Variants in MLLT6 observed in about 807,000 individuals in gnomAD.
MLLT6 encodes MLLT6, PHD finger containing.
A neutral mutation model predicts 103.0 loss-of-function variants in MLLT6; 22 were observed. The observed-to-expected ratio is 0.21, with a 90% CI of 0.15 to 0.31. The LOEUF (loss-of-function observed/expected upper bound fraction) is 0.31. Ranked by LOEUF, MLLT6 falls within the 10% of genes least tolerant of loss-of-function variation. The pLI is 1.00. For synonymous variants in MLLT6, 606 were observed against 623.5 expected (o/e 0.97, Z 0.42); for missense variants, 1,199 against 1,441.7 (o/e 0.83, Z 2.73).
In MLLT6 at chr17:38,716,156, G is replaced by A. The variant is rs1370981539; in HGVS notation, c.1037-211G>A. ...TACAGTCATCTGGTGAGGCCAGTAGGGTGCGAGTTACTCTCCCCCATTTTA... is the reference window on the plus strand; with the variant it reads ...TACAGTCATCTGGTGAGGCCAGTAGAGTGCGAGTTACTCTCCCCCATTTTA... On this transcript the variant is annotated intron_variant, in intron 9 of 19. Coordinates refer to ENST00000621332, the MANE Select transcript of MLLT6 (RefSeq NM_005937.4). This position sits in a 1 kb window ranked among gnomAD's most constrained non-coding sequence, Gnocchi z 5.6. The A allele has an allele frequency of 1.6e-6, 1 of 608,338 alleles. No individual in the cohort carries two copies. The highest frequency in any genetic ancestry group is 1.8e-5 in the African/African-American group (1 of 54,054). The allele number at this position is 608,338 out of a possible 1,614,324, so 37.7% of individuals were successfully genotyped here.
chr17:38,715,676 G>T lies in MLLT6; in HGVS notation c.884G>T (p.Ser295Ile). 6.2e-7 allele frequency: 1 copy of T among 1,614,156 alleles called. No individual in the cohort carries two copies. Among genetic ancestry groups the T allele is most frequent in the Non-Finnish European group, 8.5e-7 (1 of 1,180,038 alleles). ...EASTQETSES[S>I]RESKGKKSSS... Reference sequence around the variant, plus strand: ...AGCACGCAGGAGACCTCTGAGAGCAGCAGGGAGTCAAAGGGGAAAAAGTCT... The same window carrying T: ...AGCACGCAGGAGACCTCTGAGAGCATCAGGGAGTCAAAGGGGAAAAAGTCT... Residue 295 changes from serine to isoleucine, a missense_variant, in exon 9 of 20, where the codon AGC (serine) becomes ATC (isoleucine). Physicochemically the swap from Ser to Ile is moderately radical, Grantham distance 142 (BLOSUM62 -2). Transcript: ENST00000621332.
Position 38,727,993 on chromosome 17 carries a change from A to C in MLLT6, c.*2395A>C, listed in dbSNP as rs945665511. 1 of 232,812 alleles carries C rather than the reference A, an allele frequency of 4.3e-6. No homozygotes were observed. Among genetic ancestry groups the C allele is most frequent in the Admixed American group, 5.6e-5 (1 of 17,744 alleles). The allele number at this position is 232,812 out of a possible 1,614,324, so 14.4% of individuals were successfully genotyped here. A position where few individuals can be genotyped will look rare whatever the true frequency, so the allele number is the denominator to read the frequency against. The stretch of plus-strand genomic sequence containing the variant: ...TGATTCTGTGCATTGAAACCAAGAC[A>C]CCCCACCCAGAACACTTCTTCCCTC... On this transcript the variant is annotated 3_prime_UTR_variant, in exon 20 of 20. Coordinates refer to ENST00000621332, the MANE Select transcript of MLLT6 (RefSeq NM_005937.4).
At position 38,709,373 on chromosome 17, in the gene MLLT6, A is replaced by G. The variant is rs1052378467; in HGVS notation, c.458+97A>G. 52 of 1,402,538 alleles carry G rather than the reference A, an allele frequency of 3.7e-5. No homozygotes were observed. The highest frequency in any genetic ancestry group is 6.7e-5 in the Admixed American group (4 of 59,666). 86.9% of individuals were successfully genotyped at this position (1,402,538 alleles called of 1,614,324 possible). Reference sequence around the variant, plus strand: ...TGCTGTCCCTTTGATGGTGGTGGCAATGCTTTGGATGGTCTTGGCTTCGCC... The same window carrying G: ...TGCTGTCCCTTTGATGGTGGTGGCAGTGCTTTGGATGGTCTTGGCTTCGCC... On this transcript the variant is annotated intron_variant, in intron 5 of 19. Transcript: ENST00000621332. This position sits in a 1 kb window ranked among gnomAD's most constrained non-coding sequence, Gnocchi z 4.3.
At position 38,705,573 on chromosome 17, in the gene MLLT6, T is replaced by G; in HGVS notation, c.-60T>G. ...GGCCCCCCGCTCCCTCCCTCCCCCC[T>G]GACCCCCGACCCCCGCCGGCCGGCC... On this transcript the variant is annotated 5_prime_UTR_variant, in exon 1 of 20. Coordinates refer to ENST00000621332, the MANE Select transcript of MLLT6 (RefSeq NM_005937.4). 8 of 163,334 alleles carry G rather than the reference T, an allele frequency of 4.9e-5. No individual in the cohort carries two copies. The highest frequency in any genetic ancestry group is 2.8e-4 in the East Asian group (2 of 7,032). The allele number at this position is 163,334 out of a possible 1,614,324, so 10.1% of individuals were successfully genotyped here. A position where few individuals can be genotyped will look rare whatever the true frequency, so the allele number is the denominator to read the frequency against.
At chr17:38,717,634 T>C (rs771544438) in intron 11 of MLLT6, 21 bp downstream of exon 11, 6 of 1,609,214 alleles carry the variant, frequency 3.7e-6, no homozygotes, top group Non-Finnish European at 4.2e-6. Context: ...ACTCCTGGGC[T>C]CCTCCTTCCC....
intron 10 of MLLT6, among the ~76,000 whole-genome samples, chr17:38,717,191 G>A (rs1162471089): frequency 1.3e-5 from 2 of 152,160 alleles, no homozygotes; most frequent in Non-Finnish European, 2.9e-5. Context: ...CCAAGTTTTG[G>A]GAGGGAGATT....
At chr17:38,721,832 A>G in intron 16 of MLLT6, 46 bp from the exon 17 acceptor site, 3 of 1,380,556 alleles carry the variant, frequency 2.2e-6, no homozygotes, top group South Asian at 1.3e-5. Flanking sequence ...GGGGCCAGAA[A>G]AGTCATGCTG....
rs762842584 is a variant in MLLT6 at position 38,724,049 on chromosome 17, A to G, written c.2884-571A>G. On this transcript the variant is annotated intron_variant, in intron 18 of 19. Transcript: ENST00000621332. The surrounding 1 kb of genome is among the most constrained non-coding windows in gnomAD (Gnocchi z 5.4). ...TGAGCCACCGTGTCCGGCGAATTGA[A>G]AACTATTGACCTAGTCAGTAGTTTT... Among the ~76,000 whole-genome samples the G allele has an allele frequency of 1.7e-4, 26 of 152,208 alleles. No homozygotes were observed. The highest frequency in any genetic ancestry group is 2.4e-4 in the Non-Finnish European group (16 of 68,018).
chr17:38,713,243 G>C (rs1206024055), intron 8 of MLLT6: 2 of 520,362 alleles, frequency 3.8e-6, no homozygotes, highest in South Asian at 6.7e-5. Context: ...AAGGTGGCAT[G>C]GGGGGCAGGC....
intron 12 of MLLT6, chr17:38,718,451 G>C (rs1905475964): frequency 6.6e-6 from 1 of 152,438 alleles, no homozygotes; most frequent in East Asian, 1.9e-4. Context: ...GGGCAACACA[G>C]GGAGAACCTG....
At chr17:38,719,195 T>G (rs1404163063) in intron 12 of MLLT6, 1 of 400,010 alleles carries the variant, frequency 2.5e-6, no homozygotes, top group Non-Finnish European at 4.5e-6. Flanking sequence ...CAGGTTTAAG[T>G]TCAATCCAGG....
chr17:38,727,230 GT>G lies in MLLT6; in HGVS notation c.*1642del, dbSNP rs949423342. ...ATATTTTTGCCTGTGCTGCTCAACTGTTTTTTTTTTCTGATACTGAAAATAA... is the reference window on the plus strand; with the variant it reads ...ATATTTTTGCCTGTGCTGCTCAACTGTTTTTTTTTCTGATACTGAAAATAA... On this transcript the variant is annotated 3_prime_UTR_variant, in exon 20 of 20. Coordinates refer to ENST00000621332, the MANE Select transcript of MLLT6 (RefSeq NM_005937.4). The G allele has an allele frequency of 2.9e-4, 58 of 203,508 alleles. No individual in the cohort carries two copies. Among genetic ancestry groups the G allele is most frequent in the Admixed American group, 5.7e-4 (9 of 15,924 alleles). The allele number at this position is 203,508 out of a possible 1,614,324, so 12.6% of individuals were successfully genotyped here.
At chr17:38,719,678 G>A in intron 13 of MLLT6, 72 bp from the exon 14 acceptor site, 1 of 1,574,580 alleles carries the variant, frequency 6.4e-7, no homozygotes, top group Non-Finnish European at 8.6e-7. Context: ...GAACCCCTGG[G>A]GGATACGGGA....
At chr17:38,705,908 C>T (rs1904893775) in intron 1 of MLLT6, 167 bp downstream of exon 1, 3 of 281,888 alleles carry the variant, frequency 1.1e-5, no homozygotes, top group East Asian at 1.3e-4. Flanking sequence ...CCTGGAAGAC[C>T]GGGTCAGGCA....
rs1431340608 is a variant in MLLT6 at position 38,729,405 on chromosome 17, A to C, written c.*3807A>C. On this transcript the variant is annotated 3_prime_UTR_variant, in exon 20 of 20. Coordinates refer to ENST00000621332, the MANE Select transcript of MLLT6 (RefSeq NM_005937.4). ...GCTCCCGACCACTTTGTCTTGACCT[A>C]CTGAAAAGTTGGGAACTGAGGGGTG... The C allele has an allele frequency of 4.3e-6, 1 of 233,386 alleles. No homozygotes were observed. The highest frequency in any genetic ancestry group is 8.5e-6 in the Non-Finnish European group (1 of 118,052). The allele number at this position is 233,386 out of a possible 1,614,324, so 14.5% of individuals were successfully genotyped here.
chr17:38,720,257 A>G (rs1011811416), intron 14 of MLLT6, 115 bp from the exon 15 acceptor site: 1 of 1,038,840 alleles, frequency 9.6e-7, no homozygotes, highest in Admixed American at 2.3e-5. Flanking sequence ...CCTCCTTAGG[A>G]TGGCGCCGCC....
chr17:38,712,489 G>T (rs2070078379), intron 7 of MLLT6, among the ~76,000 whole-genome samples: 1 of 152,156 alleles, frequency 6.6e-6, no homozygotes, highest in South Asian at 2.1e-4. Context: ...TAGCAGGCGG[G>T]GCCGGGGGAA....
rs749055632 is a variant in MLLT6, at chr17:38,709,503, G to A, written c.480G>A (p.Leu160=). 1.2e-5 allele frequency: 20 copies of A among 1,614,102 alleles called. No individual in the cohort carries two copies. The highest frequency in any genetic ancestry group is 1.7e-5 in the Non-Finnish European group (20 of 1,180,012). Residue 160 remains leucine (L), a synonymous_variant, in exon 6 of 20, where the codon CTG becomes CTA. Transcript: ENST00000621332. This position sits in a 1 kb window ranked among gnomAD's most constrained non-coding sequence, Gnocchi z 4.3. ...TTAGTGCCCAAATGGCAGGCTTGCT[G>A]TGTGAGGAAGAAGTGCTGGAGGTGG... ...HVTCAQMAGL[L]CEEEVLEVDN... is the part of the protein sequence containing the mutation.
Position 38,719,866 on chromosome 17 carries a change from A to G in MLLT6, c.2126A>G (p.Lys709Arg). 2 of 1,603,220 alleles carry G rather than the reference A, an allele frequency of 1.2e-6. No individual in the cohort carries two copies. The highest frequency in any genetic ancestry group is 2.2e-5 in the South Asian group (2 of 89,350). ...GTTNMEQLLE[K>R]QGDGEAGVNI... ...ACTAACATGGAGCAGCTTCTGGAGA[A>G]GCAGGGCGACGGGGAGGCCGGCGTC... The change falls in exon 14 of 20, where the codon AAG becomes AGG. Residue 709 changes from lysine to arginine, a missense_variant. Transcript: ENST00000621332.
Sources: allele counts gnomAD v4.1 joint callset (sites outside exome capture counted in the v4.1 genomes callset), GRCh38; gene constraint gnomAD v4.1.1; non-coding constraint Gnocchi (gnomAD v3.1); transcripts MANE v1.5; gene names NCBI Gene and HGNC (gene_info 2026-07-23, HGNC 2026-07-21).